The following EDDM13 variants were observed in gnomAD, a reference collection of about 807,000 sequenced individuals.
The protein encoded by EDDM13 is epididymal protein 13.
Under a neutral mutation model 17.8 loss-of-function variants are expected in EDDM13, and 24 were observed. The ratio of observed to expected loss-of-function variants is 1.35; its 90% CI spans 0.98 to 1.90. The LOEUF is 1.90. Ranked by LOEUF, EDDM13 falls within the 40% of genes most tolerant of loss-of-function variation. The pLI, the probability that EDDM13 is intolerant of heterozygous loss-of-function variation, is 0.00. For synonymous variants in EDDM13, 31 were observed against 37.5 expected (o/e 0.83, Z 0.63); for missense variants, 97 against 100.8 (o/e 0.96, Z 0.16).
intron 13 of EDDM13, among the ~76,000 whole-genome samples, chr19:56,302,581 C>G (rs1342108691): frequency 5.0e-5 from 2 of 39,990 alleles, no homozygotes; most frequent in Non-Finnish European, 8.1e-5. Flanking sequence ...TTCTTCCTCC[C>G]CCTTTTCTTC....
chr19:56,298,575 C>T (rs945015657), intron 12 of EDDM13, among the ~76,000 whole-genome samples: 2 of 151,518 alleles, frequency 1.3e-5, no homozygotes. Flanking sequence ...ATCACTTGAA[C>T]CTGGGAGGCG....
In EDDM13 at chr19:56,304,839, T is replaced by C. The variant is rs934334284; in HGVS notation, c.461+9T>C. 7.1e-6 allele frequency: 7 copies of C among 982,672 alleles called. No homozygotes were observed. The African/African-American group carries it at 1.2e-4, about 17-fold the overall frequency. The allele number at this position is 982,672 out of a possible 1,614,324, so 60.9% of individuals were successfully genotyped here. On this transcript the variant is annotated intron_variant, in intron 14 of 14. Transcript: ENST00000649256. ...TTGGAACTGGACATCAGGTATGCTA[T>C]GGCAGGGAAGTGGGCTTTTCCCACC... is the stretch of plus-strand genomic sequence containing the variant.
chr19:56,291,083 T>C (rs2039479043), intron 9 of EDDM13, among the ~76,000 whole-genome samples: 1 of 152,160 alleles, frequency 6.6e-6, no homozygotes, highest in Non-Finnish European at 1.5e-5. Flanking sequence ...TGGGGCTACA[T>C]GCAGGACTGA....
chr19:56,287,357 T>G (rs540558904), intron 6 of EDDM13, among the ~76,000 whole-genome samples: 2 of 152,110 alleles, frequency 1.3e-5, no homozygotes, highest in Non-Finnish European at 2.9e-5. Flanking sequence ...GAGCACATGG[T>G]TCCTCACCTT....
At chr19:56,303,169 T>C (rs137945795) in intron 13 of EDDM13, among the ~76,000 whole-genome samples, 1 of 151,898 alleles carries the variant, frequency 6.6e-6, no homozygotes, top group Admixed American at 6.5e-5. Context: ...GAGGTGAAAA[T>C]AAGGCAGGGT....
At chr19:56,301,349 G>A (rs1369492013) in intron 12 of EDDM13, among the ~76,000 whole-genome samples, 2 of 152,112 alleles carry the variant, frequency 1.3e-5, no homozygotes, top group Admixed American at 1.3e-4. Flanking sequence ...TAGGCCAGTA[G>A]GGGAACTTCC....
chr19:56,273,083 G>T (rs1331207810), intron 1 of EDDM13, among the ~76,000 whole-genome samples, 164 bp downstream of exon 1: 1 of 152,192 alleles, frequency 6.6e-6, no homozygotes, highest in East Asian at 1.9e-4. Context: ...GGGTGAATGA[G>T]TCTAGGTTGC....
intron 5 of EDDM13, among the ~76,000 whole-genome samples, 157 bp from the exon 6 acceptor site, chr19:56,284,841 G>T (rs568173299): frequency 6.6e-6 from 1 of 152,106 alleles, no homozygotes; most frequent in Admixed American, 6.6e-5. Flanking sequence ...GTAGGAAAGG[G>T]GATTAAGTGG....
chr19:56,284,476 AC>A (rs2038951546), intron 5 of EDDM13, among the ~76,000 whole-genome samples: 1 of 57,818 alleles, frequency 1.7e-5, no homozygotes, highest in African/African-American at 3.6e-5. Context: ...AGATAAGTAA[AC>A]AGAAATTAGA....
intron 9 of EDDM13, among the ~76,000 whole-genome samples, chr19:56,292,101 C>T (rs2039550426): frequency 6.6e-6 from 1 of 152,168 alleles, no homozygotes; most frequent in African/African-American, 2.4e-5. Context: ...GCTGCTTAAC[C>T]ACGGTGCTGT....
At chr19:56,274,290 C>A (rs534391375) in intron 1 of EDDM13, among the ~76,000 whole-genome samples, 15 of 152,068 alleles carry the variant, frequency 9.9e-5, no homozygotes, top group Admixed American at 1.3e-4. Context: ...CCCATCTCTA[C>A]TAAAAATACA....
chr19:56,302,434 TC>T (rs973970489), intron 13 of EDDM13, among the ~76,000 whole-genome samples: 1 of 112,932 alleles, frequency 8.9e-6, no homozygotes, highest in Non-Finnish European at 1.9e-5. Flanking sequence ...CTTTCTCCCT[TC>T]CTTCCTTTCT....
At chr19:56,295,234 G>C (rs1281039483) in intron 9 of EDDM13, 3 of 152,146 alleles carry the variant, frequency 2.0e-5, no homozygotes, top group Non-Finnish European at 1.5e-5. Context: ...ACAACAACGG[G>C]TGGTGGGATG....
intron 6 of EDDM13, among the ~76,000 whole-genome samples, chr19:56,287,753 A>C (rs2039235981): frequency 6.6e-6 from 1 of 152,206 alleles, no homozygotes; most frequent in Non-Finnish European, 1.5e-5. Context: ...GAGGGCTGGA[A>C]GGAGGCAGAG....
At chr19:56,301,364 G>T (rs1166380715) in intron 12 of EDDM13, among the ~76,000 whole-genome samples, 1 of 152,082 alleles carries the variant, frequency 6.6e-6, no homozygotes, top group African/African-American at 2.4e-5. Context: ...ACTTCCTGAA[G>T]TTGCCATGCC....
intron 6 of EDDM13, among the ~76,000 whole-genome samples, chr19:56,287,345 T>A (rs2039201790): frequency 6.6e-6 from 1 of 152,352 alleles, no homozygotes; most frequent in Middle Eastern, 3.4e-3. Flanking sequence ...CAGTCCAGCC[T>A]CGAGCACATG....
chr19:56,302,323 TC>T (rs1568724990), intron 13 of EDDM13, among the ~76,000 whole-genome samples: 1,692 of 14,644 alleles, frequency 0.12, 19 homozygotes, highest in Non-Finnish European at 0.14. Flanking sequence ...CCTCCCTCCC[TC>T]CCCTTCCTCC....
At chr19:56,302,995 G>A in intron 13 of EDDM13, 1 of 397,408 alleles carries the variant, frequency 2.5e-6, no homozygotes, top group Non-Finnish European at 4.4e-6. Context: ...TGCTAGTGCA[G>A]GAGGCAGTGG....
chr19:56,284,101 T>C, intron 4 of EDDM13, 97 bp from the exon 5 acceptor site: 2 of 958,196 alleles, frequency 2.1e-6, no homozygotes, highest in Non-Finnish European at 2.5e-6. Flanking sequence ...GGTTTTCTAA[T>C]TATGGCTTCG....
Sources: allele counts gnomAD v4.1 joint callset (sites outside exome capture counted in the v4.1 genomes callset), GRCh38; gene constraint gnomAD v4.1.1; transcripts MANE v1.5; gene names NCBI Gene and HGNC (gene_info 2026-07-23, HGNC 2026-07-21).